The following SLC16A3 variants were observed in gnomAD, a reference collection of about 807,000 sequenced individuals.
The protein encoded by SLC16A3 is solute carrier family 16 member 3, also known as monocarboxylate transporter 4.
SLC16A3 carries 22 observed loss-of-function variants against 25.0 expected under a neutral mutation model. The ratio of observed to expected loss-of-function variants is 0.88; its 90% CI spans 0.63 to 1.26. SLC16A3 has a LOEUF of 1.26. Ranked by LOEUF, SLC16A3 falls within the 50% of genes most tolerant of loss-of-function variation. The pLI is 0.00. For missense variants in SLC16A3, 731 were observed against 666.6 expected (o/e 1.10, Z -1.06); for synonymous variants, 390 against 309.2 (o/e 1.26, Z -2.74).
chr17:82,238,181 C>T (rs2050664249), intron 4 of SLC16A3, among the ~76,000 whole-genome samples: 1 of 152,218 alleles, frequency 6.6e-6, no homozygotes, highest in Non-Finnish European at 1.5e-5. Flanking sequence ...CGCGGCAGCT[C>T]CAGGCAACCC....
chr17:82,217,961 C>T (rs1322656512), exon 1 of SLC16A3, among the ~76,000 whole-genome samples: 3 of 152,228 alleles, frequency 2.0e-5, no homozygotes, highest in Non-Finnish European at 4.4e-5. Flanking sequence ...CCCCATAGGC[C>T]TCTAGCCACA....
chr17:82,225,473 G>A (rs1007388995), upstream of SLC16A3, among the ~76,000 whole-genome samples: 9 of 152,200 alleles, frequency 5.9e-5, no homozygotes, highest in Admixed American at 4.6e-4. Flanking sequence ...TGGAGTCTGG[G>A]GACGGTGTGG....
Position 82,239,973 on chromosome 17 carries a change from C to T in SLC16A3, c.*997C>T, listed in dbSNP as rs1228121984. 12 of 1,233,142 alleles carry T rather than the reference C, an allele frequency of 9.7e-6. No individual in the cohort carries two copies. The highest frequency in any genetic ancestry group is 1.6e-5 in the African/African-American group (1 of 64,472). 76.4% of individuals were successfully genotyped at this position (1,233,142 alleles called of 1,614,324 possible). The stretch of plus-strand genomic sequence containing the variant: ...GGAGCCCGGTCAGAGGCCGCCGGGG[C>T]CCTCAGTAGGTGCGTCGTGGGCGCT... On this transcript the variant is annotated 3_prime_UTR_variant, in exon 5 of 5. Transcript: ENST00000582743.
At position 82,236,792 on chromosome 17, in the gene SLC16A3, T is replaced by C; in HGVS notation, c.287T>C (p.Leu96Pro). ...GCRPVMLVGG[L>P]FASLGMVAAS... is the part of the protein sequence containing the mutation. ...CGGCCCGTCATGCTTGTGGGGGGTC[T>C]CTTTGCGTCGCTGGGCATGGTGGCT... The change falls in exon 3 of 5, where the codon CTC becomes CCC. Residue 96 changes from leucine (L) to proline (P), a missense_variant. Physicochemically the swap from Leu to Pro is moderately conservative, Grantham distance 98 (BLOSUM62 -3). Transcript: ENST00000582743. 1 of 1,609,036 alleles carries C rather than the reference T, an allele frequency of 6.2e-7. No individual in the cohort carries two copies. Among genetic ancestry groups the C allele is most frequent in the Non-Finnish European group, 8.5e-7 (1 of 1,179,840 alleles).
At chr17:82,230,926 C>G (rs542251726) in intron 1 of SLC16A3, 1 of 152,268 alleles carries the variant, frequency 6.6e-6, no homozygotes, top group African/African-American at 2.4e-5. Context: ...TCGACGCCCC[C>G]GAGTCCCGAG....
In SLC16A3 at chr17:82,236,183, G is replaced by GAC. The variant is rs1568538147; in HGVS notation, c.179_180dup (p.Ala61GlnfsTer23). On this transcript the variant is annotated frameshift_variant, in exon 2 of 5. Transcript: ENST00000582743. LOFTEE classifies it high-confidence loss of function. ...ACAGGAGTTTGGGATCGGCTACAGC[G>GAC]ACACAGCCTGGATCTCCTCCATCCT... The GAC allele has an allele frequency of 1.9e-6, 3 of 1,613,062 alleles. No homozygotes were observed. In the South Asian group the frequency reaches 3.3e-5, roughly 18 times the overall value.
chr17:82,228,970 G>T, upstream of SLC16A3: 1 of 149,386 alleles, frequency 6.7e-6, no homozygotes, highest in South Asian at 1.9e-4. Flanking sequence ...GGCGCCAGGC[G>T]GTGACGTGCG....
At chr17:82,236,704 C>T (rs1340644456) in intron 2 of SLC16A3, 25 bp from the exon 3 acceptor site, 2 of 1,594,994 alleles carry the variant, frequency 1.3e-6, no homozygotes, top group East Asian at 2.2e-5. Context: ...CAGGCCCGGC[C>T]CCTCTCAGCT....
rs112966477 is a variant in SLC16A3, at chr17:82,238,022, C to G, written c.1123+129C>G. On this transcript the variant is annotated intron_variant, in intron 4 of 4. Transcript: ENST00000582743. ...GGGACTCAGAGCTGGAGGGGGTGCA[C>G]TGTGCTGGACCAACCCTGATTCTGC... is the stretch of plus-strand genomic sequence containing the variant. The G allele has an allele frequency of 4.1e-4, 442 of 1,088,546 alleles. No individual in the cohort carries two copies. The African/African-American group carries it at 6.4e-3, about 16-fold the overall frequency. 67.4% of individuals were successfully genotyped at this position (1,088,546 alleles called of 1,614,324 possible).
At chr17:82,234,051 A>C (rs530670032) in intron 1 of SLC16A3, 1 of 58,488 alleles carries the variant, frequency 1.7e-5, no homozygotes, top group South Asian at 6.3e-4. Context: ...CGTGTTAGCC[A>C]GGATGGTCTC....
intron 1 of SLC16A3, among the ~76,000 whole-genome samples, chr17:82,221,288 G>A (rs1352588614): frequency 7.9e-5 from 12 of 152,240 alleles, no homozygotes; most frequent in African/African-American, 1.9e-4. Context: ...GGCCGGGCAC[G>A]GCAGCTCACA....
At position 82,237,279 on chromosome 17, in the gene SLC16A3, T is replaced by C; in HGVS notation, c.509T>C (p.Leu170Pro). 1.3e-6 allele frequency: 2 copies of C among 1,564,718 alleles called. No individual in the cohort carries two copies. The highest frequency in any genetic ancestry group is 1.7e-6 in the Non-Finnish European group (2 of 1,154,970). The change falls in exon 4 of 5, where the codon CTG becomes CCG. Residue 170 changes from leucine (L) to proline (P), a missense_variant. Coordinates refer to ENST00000582743, the MANE Select transcript of SLC16A3 (RefSeq NM_004207.4). Reference protein sequence around the residue: ...LCALSPLGQLLQDRYGWRGGF... With the variant: ...LCALSPLGQLPQDRYGWRGGF... ...GCCCTGAGCCCGCTGGGGCAGCTGC[T>C]GCAGGACCGCTACGGCTGGCGGGGC...
chr17:82,225,455 C>T (rs557101362), upstream of SLC16A3, among the ~76,000 whole-genome samples: 2 of 152,258 alleles, frequency 1.3e-5, no homozygotes, highest in South Asian at 2.1e-4. Context: ...ACACGCCCCG[C>T]GTGGGTCTGG....
intron 4 of SLC16A3, 47 bp from the exon 5 acceptor site, chr17:82,238,655 G>C (rs763437228): frequency 5.6e-5 from 88 of 1,559,620 alleles, no homozygotes; most frequent in Non-Finnish European, 7.2e-5. Flanking sequence ...CGTGGGCCCT[G>C]GGGGCAGCCC....
chr17:82,235,908 T>C, intron 1 of SLC16A3, 75 bp from the exon 2 acceptor site: 1 of 1,016,214 alleles, frequency 9.8e-7, no homozygotes, highest in Non-Finnish European at 1.5e-6. Flanking sequence ...GCCACCCAGC[T>C]CGTGTCCCTC....
At chr17:82,229,665 G>GA (rs2050462816) in intron 1 of SLC16A3, 1 of 152,342 alleles carries the variant, frequency 6.6e-6, no homozygotes. Flanking sequence ...ACCCTCTCCA[G>GA]AGCCAGGCTG....
upstream of SLC16A3, among the ~76,000 whole-genome samples, chr17:82,226,371 G>A (rs1033252627): frequency 5.9e-5 from 9 of 152,272 alleles, no homozygotes; most frequent in South Asian, 4.1e-4. Context: ...GGGAGCAAGC[G>A]TTGGAGCCAG....
chr17:82,227,210 C>T (rs1169440705), upstream of SLC16A3, among the ~76,000 whole-genome samples: 1 of 152,268 alleles, frequency 6.6e-6, no homozygotes, highest in East Asian at 1.9e-4. Flanking sequence ...TGGGAGAAAA[C>T]CTGGCCCTGG....
intron 4 of SLC16A3, 26 bp downstream of exon 4, chr17:82,237,919 C>G: frequency 6.3e-7 from 1 of 1,588,884 alleles, no homozygotes. Flanking sequence ...CCAGGCAGTT[C>G]CCCACACCTG....
Sources: allele counts gnomAD v4.1 joint callset (sites outside exome capture counted in the v4.1 genomes callset), GRCh38; gene constraint gnomAD v4.1.1; transcripts MANE v1.5; gene names NCBI Gene and HGNC (gene_info 2026-07-23, HGNC 2026-07-21).